The following SOS1 variants were observed in gnomAD, a reference collection of about 807,000 sequenced individuals.
SOS1 encodes the protein son of sevenless homolog 1.
Under a neutral mutation model 157.6 loss-of-function variants are expected in SOS1, and 25 were observed. That is an observed-to-expected ratio of 0.16 (90% CI 0.12 to 0.22). The LOEUF is 0.22. Ranked by LOEUF, SOS1 falls within the 10% of genes least tolerant of loss-of-function variation. SOS1 has a pLI of 1.00. For missense variants in SOS1, 1,237 were observed against 1,599.1 expected, an observed-to-expected ratio of 0.77 and a Z score of 3.86; for synonymous variants, 528 against 534.0, an observed-to-expected ratio of 0.99 and a Z score of 0.16.
chr2:38,998,919 G>A (rs1668994083), intron 17 of SOS1, among the ~76,000 whole-genome samples: 1 of 152,328 alleles, frequency 6.6e-6, no homozygotes, highest in South Asian at 2.1e-4. Flanking sequence ...CAGCAGTCCA[G>A]TGCTTAAGGC....
At chr2:39,042,263 G>T (rs1175060653) in intron 6 of SOS1, among the ~76,000 whole-genome samples, 3 of 152,062 alleles carry the variant, frequency 2.0e-5, no homozygotes, top group Admixed American at 2.0e-4. Context: ...TGAATTTTAG[G>T]ATCAGCTTGC....
intron 1 of SOS1, among the ~76,000 whole-genome samples, chr2:39,093,099 T>A (rs1672648634): frequency 6.6e-6 from 1 of 152,236 alleles, no homozygotes; most frequent in South Asian, 2.1e-4. Flanking sequence ...ATGCATTTTT[T>A]AAACTAACAT....
rs1669286146 is a variant in SOS1, at chr2:39,006,492, G to A, written c.2711C>T (p.Ala904Val). 1 of 1,608,964 alleles carries A rather than the reference G, an allele frequency of 6.2e-7. No homozygotes were observed. Among genetic ancestry groups the A allele is most frequent in the Non-Finnish European group, 8.5e-7 (1 of 1,175,850 alleles). The change falls in exon 17 of 23, where the codon GCT becomes GTT. Residue 904 changes from alanine (A) to valine (V), a missense_variant. Physicochemically the swap from Ala to Val is moderately conservative, Grantham distance 64. Coordinates refer to ENST00000402219, the MANE Select transcript of SOS1 (RefSeq NM_005633.4). ...PSRQKKILEE[A>V]HELSEDHYKK... ...ATAGTGATCTTCACTCAATTCATGA[G>A]CTTCTTCTAAAATTTTCTTCTGGCG...
chr2:39,077,866 T>C (rs1052167304), intron 1 of SOS1, among the ~76,000 whole-genome samples: 1 of 152,180 alleles, frequency 6.6e-6, no homozygotes, highest in African/African-American at 2.4e-5. Context: ...AGTAAAAGCA[T>C]AGCAGGATAT....
chr2:39,123,842 G>T (rs908994202), upstream of SOS1, among the ~76,000 whole-genome samples: 2 of 152,194 alleles, frequency 1.3e-5, no homozygotes, highest in Non-Finnish European at 2.9e-5. Context: ...GGGTGTGCAG[G>T]TAAAAAGCGT....
intron 1 of SOS1, among the ~76,000 whole-genome samples, chr2:39,093,024 G>A (rs911025187): frequency 4.9e-4 from 74 of 152,158 alleles, no homozygotes; most frequent in African/African-American, 1.7e-3. Context: ...AAAAAGCCAC[G>A]TTAAGCATAT....
chr2:39,106,949 T>A (rs910467300), intron 1 of SOS1, among the ~76,000 whole-genome samples: 2 of 152,244 alleles, frequency 1.3e-5, no homozygotes, highest in African/African-American at 4.8e-5. Flanking sequence ...TGGTTTTGCA[T>A]ATTAAGTATT....
At chr2:39,004,015 A>T (rs1404425353) in intron 17 of SOS1, among the ~76,000 whole-genome samples, 2 of 152,118 alleles carry the variant, frequency 1.3e-5, no homozygotes, top group African/African-American at 4.8e-5. Context: ...AATGCTCCCT[A>T]GGGGGGCAAA....
intron 10 of SOS1, among the ~76,000 whole-genome samples, chr2:39,020,066 A>G (rs1669751557): frequency 6.6e-6 from 1 of 151,674 alleles, no homozygotes; most frequent in Admixed American, 6.6e-5. Flanking sequence ...AACATGGTAG[A>G]AAATATACTC....
intron 1 of SOS1, among the ~76,000 whole-genome samples, chr2:39,069,051 A>G (rs1014110394): frequency 1.3e-5 from 2 of 152,016 alleles, no homozygotes; most frequent in Non-Finnish European, 2.9e-5. Context: ...AAAATTTTAT[A>G]AACAGTGTAC....
chr2:38,995,104 T>C lies in SOS1; in HGVS notation c.3346+19A>G, dbSNP rs950361746. ...AGTACTAACAAATACCTTAATGCAC[T>C]TAGAATTTTTGCACCTACTTGAGTG... On this transcript the variant is annotated intron_variant, in intron 20 of 22. Coordinates refer to ENST00000402219, the MANE Select transcript of SOS1 (RefSeq NM_005633.4). 1 of 1,610,774 alleles carries C rather than the reference T, an allele frequency of 6.2e-7. No homozygotes were observed. Among genetic ancestry groups the C allele is most frequent in the Non-Finnish European group, 8.5e-7 (1 of 1,177,208 alleles).
At chr2:39,076,986 T>A (rs982278538) in intron 1 of SOS1, among the ~76,000 whole-genome samples, 2 of 152,208 alleles carry the variant, frequency 1.3e-5, no homozygotes, top group African/African-American at 2.4e-5. Context: ...TATAATTTTT[T>A]AATGATAGTT....
At chr2:39,000,118 A>G (rs1669043756) in intron 17 of SOS1, among the ~76,000 whole-genome samples, 1 of 152,168 alleles carries the variant, frequency 6.6e-6, no homozygotes, top group Admixed American at 6.5e-5. Flanking sequence ...GTGGGAATGA[A>G]GACTCACAGC....
At chr2:38,987,364 G>C (rs1572797323) in intron 22 of SOS1, 109 bp downstream of exon 22, 3 of 710,280 alleles carry the variant, frequency 4.2e-6, no homozygotes, top group Non-Finnish European at 7.8e-6. Context: ...TATTAAGCCT[G>C]TATACTCTGA....
intron 2 of SOS1, among the ~76,000 whole-genome samples, chr2:39,065,556 T>G (rs1008162403): frequency 6.6e-6 from 1 of 152,212 alleles, no homozygotes; most frequent in East Asian, 1.9e-4. Flanking sequence ...ATCTGCTCTA[T>G]TTCTCTCTTT....
intron 8 of SOS1, among the ~76,000 whole-genome samples, chr2:39,028,789 AT>A (rs1670059108): frequency 5.9e-5 from 9 of 152,234 alleles, no homozygotes; most frequent in African/African-American, 2.2e-4. Flanking sequence ...AAAGATCTCC[AT>A]TTATTTTAAA....
At chr2:39,035,176 G>A in intron 8 of SOS1, 36 bp downstream of exon 8, 1 of 1,421,970 alleles carries the variant, frequency 7.0e-7, no homozygotes, top group Non-Finnish European at 9.9e-7. Context: ...ATTCACACTT[G>A]AATATGTTAC....
At chr2:39,121,601 C>T (rs1673897085), upstream of SOS1, among the ~76,000 whole-genome samples, 1 of 152,220 alleles carries the variant, frequency 6.6e-6, no homozygotes. Context: ...GAAATGAACT[C>T]CAGTAAGCAC....
chr2:39,123,196 T>G (rs900170284), upstream of SOS1, among the ~76,000 whole-genome samples: 1 of 152,164 alleles, frequency 6.6e-6, no homozygotes. Flanking sequence ...CCAAGAGGCC[T>G]TCTCCGATCA....
Sources: allele counts gnomAD v4.1 joint callset (sites outside exome capture counted in the v4.1 genomes callset), GRCh38; gene constraint gnomAD v4.1.1; transcripts MANE v1.5; gene names NCBI Gene and HGNC (gene_info 2026-07-23, HGNC 2026-07-21).